The following FAM228A variants were observed in gnomAD, a reference collection of about 807,000 sequenced individuals.
FAM228A encodes protein FAM228A.
FAM228A carries 13 observed loss-of-function variants against 18.6 expected under a neutral mutation model. That is an observed-to-expected ratio of 0.70 (90% CI 0.45 to 1.11). FAM228A has a LOEUF of 1.11. Ranked by LOEUF, FAM228A falls within the 50% of genes least tolerant of loss-of-function variation. The pLI, the probability that FAM228A is intolerant of heterozygous loss-of-function variation, is 0.00. For missense variants in FAM228A, 240 were observed against 242.2 expected, an observed-to-expected ratio of 0.99 and a Z score of 0.06; for synonymous variants, 77 against 86.6, an observed-to-expected ratio of 0.89 and a Z score of 0.61.
chr2:24,183,979 T>A (rs1304214463), intron 5 of FAM228A, among the ~76,000 whole-genome samples: 1 of 152,176 alleles, frequency 6.6e-6, no homozygotes, highest in Non-Finnish European at 1.5e-5. Flanking sequence ...TAACTTTGTA[T>A]CCTTAAACAA....
At chr2:24,177,177 C>G (rs979661159) in intron 2 of FAM228A, among the ~76,000 whole-genome samples, 1 of 152,140 alleles carries the variant, frequency 6.6e-6, no homozygotes, top group African/African-American at 2.4e-5. Flanking sequence ...GGGTGGCTCA[C>G]GCCTATAATC....
At chr2:24,188,016 C>T (rs956715581) in intron 5 of FAM228A, among the ~76,000 whole-genome samples, 1 of 150,426 alleles carries the variant, frequency 6.6e-6, no homozygotes, top group African/African-American at 2.4e-5. Flanking sequence ...CAGTTATTTT[C>T]TCTTTGTTCC....
chr2:24,187,266 C>T (rs1667970900), intron 5 of FAM228A, among the ~76,000 whole-genome samples: 1 of 152,130 alleles, frequency 6.6e-6, no homozygotes. Context: ...CTTTATTTCC[C>T]TCCTTTTTTC....
At chr2:24,176,435 C>G (rs1405928241) in intron 2 of FAM228A, among the ~76,000 whole-genome samples, 7 of 152,204 alleles carry the variant, frequency 4.6e-5, no homozygotes, top group African/African-American at 1.7e-4. Context: ...TCTGTAACCT[C>G]AGACTCCTGG....
chr2:24,176,790 C>T lies in FAM228A; in HGVS notation c.94-1012C>T, dbSNP rs557968778. ...AGAAATTGAATAACAGTTCTAAGAA[C>T]CTGTATCATTTTTCATCAGCAATAA... On this transcript the variant is annotated intron_variant, in intron 2 of 5. Transcript: ENST00000295150. Among the ~76,000 whole-genome samples the T allele has an allele frequency of 1.0e-3, 153 of 152,214 alleles. 1 individual carries two copies. The highest frequency in any genetic ancestry group is 3.6e-3 in the African/African-American group (149 of 41,498).
At position 24,177,866 on chromosome 2, in the gene FAM228A, T is replaced by C; in HGVS notation, c.158T>C (p.Val53Ala). 1 of 1,602,514 alleles carries C rather than the reference T, an allele frequency of 6.2e-7. No homozygotes were observed. Among genetic ancestry groups the C allele is most frequent in the Non-Finnish European group, 8.5e-7 (1 of 1,171,330 alleles). Residue 53 changes from valine to alanine, a missense_variant, in exon 3 of 6, where the codon GTG becomes GCG. Val to Ala is a moderately conservative substitution (Grantham distance 64). Coordinates refer to ENST00000295150, the MANE Select transcript of FAM228A (RefSeq NM_001040710.3). ...ATATTATTTAAAGAAAATTCCATTGTGAAGGTAAGAGTTGGCTCCACGCTG... is the reference window on the plus strand; with the variant it reads ...ATATTATTTAAAGAAAATTCCATTGCGAAGGTAAGAGTTGGCTCCACGCTG... Reference protein sequence around the residue: ...CAILFKENSIVKVTVPPFVDP... With the variant: ...CAILFKENSIAKVTVPPFVDP...
At position 24,191,601 on chromosome 2, in the gene FAM228A, T is replaced by C; in HGVS notation, c.*970T>C. 1.7e-6 allele frequency: 1 copy of C among 584,408 alleles called. No homozygotes were observed. The highest frequency in any genetic ancestry group is 7.5e-5 in the South Asian group (1 of 13,362). 36.2% of individuals were successfully genotyped at this position (584,408 alleles called of 1,614,324 possible). On this transcript the variant is annotated 3_prime_UTR_variant, in exon 6 of 6. Transcript: ENST00000295150. ...TTTGCCACAGTCAAGCTTGTTGACATACCCACCAGCTCACATTTACTGTTT... is the reference window on the plus strand; with the variant it reads ...TTTGCCACAGTCAAGCTTGTTGACACACCCACCAGCTCACATTTACTGTTT...
chr2:24,175,395 CCCTG>C, intron 1 of FAM228A, 68 bp from the exon 2 acceptor site: 3 of 1,091,162 alleles, frequency 2.7e-6, no homozygotes, highest in Non-Finnish European at 4.2e-6. Context: ...TTTGAACACT[CCCTG>C]AGCCCAAAGG....
chr2:24,185,998 G>T (rs563147823), intron 5 of FAM228A, among the ~76,000 whole-genome samples: 8 of 152,138 alleles, frequency 5.3e-5, no homozygotes, highest in African/African-American at 1.9e-4. Flanking sequence ...TTCATCTATA[G>T]AGTCTTTTGG....
rs372838900 is a variant in FAM228A, at chr2:24,175,523, C to T, written c.43C>T (p.Pro15Ser). Residue 15 changes from proline (P) to serine (S), a missense_variant, in exon 2 of 6, where the codon CCA (proline) becomes TCA (serine). Physicochemically the swap from Pro to Ser is moderately conservative, Grantham distance 74. Transcript: ENST00000295150. ...KTASYDEHFR[P>S]EKLREWPEPE... The stretch of plus-strand genomic sequence containing the variant: ...TGCGAGTTATGATGAACATTTCAGG[C>T]CAGAAAAGTTAAGAGAATGGCCGGA... 1 of 1,614,092 alleles carries T rather than the reference C, an allele frequency of 6.2e-7. No individual in the cohort carries two copies. The highest frequency in any genetic ancestry group is 8.5e-7 in the Non-Finnish European group (1 of 1,180,030).
chr2:24,177,862 A>C lies in FAM228A; in HGVS notation c.154A>C (p.Ile52Leu), dbSNP rs199782594. ...VCAILFKENSIVKVTVPPFVD... is the reference protein window; with the variant it reads ...VCAILFKENSLVKVTVPPFVD... The stretch of plus-strand genomic sequence containing the variant: ...TGCAATATTATTTAAAGAAAATTCC[A>C]TTGTGAAGGTAAGAGTTGGCTCCAC... Residue 52 changes from isoleucine (I) to leucine (L), a missense_variant, in exon 3 of 6, where the codon ATT (isoleucine) becomes CTT (leucine). Coordinates refer to ENST00000295150, the MANE Select transcript of FAM228A (RefSeq NM_001040710.3). The C allele has an allele frequency of 1.3e-5, 21 of 1,602,304 alleles. No homozygotes were observed. Among genetic ancestry groups the C allele is most frequent in the Non-Finnish European group, 1.8e-5 (21 of 1,171,288 alleles).
chr2:24,187,911 G>A (rs13404513), intron 5 of FAM228A, among the ~76,000 whole-genome samples: 35,481 of 152,030 alleles, frequency 0.23, 4,719 homozygotes, highest in Non-Finnish European at 0.3. Context: ...TTTATGTGAT[G>A]TTTCTAGATG....
At chr2:24,175,880 T>TA in intron 2 of FAM228A, 1 of 1,090,656 alleles carries the variant, frequency 9.2e-7, no homozygotes, top group Non-Finnish European at 1.1e-6. Context: ...CAGCGTCTGG[T>TA]AATGATTTTC....
chr2:24,178,170 C>G (rs552927142), intron 3 of FAM228A, among the ~76,000 whole-genome samples: 9 of 152,328 alleles, frequency 5.9e-5, no homozygotes, highest in African/African-American at 2.2e-4. Flanking sequence ...CTCACACTTG[C>G]CTCTTTCTCA....
At chr2:24,177,153 C>G (rs1176764116) in intron 2 of FAM228A, among the ~76,000 whole-genome samples, 1 of 152,160 alleles carries the variant, frequency 6.6e-6, no homozygotes, top group Non-Finnish European at 1.5e-5. Flanking sequence ...TAAGACACAC[C>G]TACTAGCTGG....
At chr2:24,179,168 T>C in intron 3 of FAM228A, 1 of 1,176,746 alleles carries the variant, frequency 8.5e-7, no homozygotes, top group Non-Finnish European at 1.1e-6. Flanking sequence ...AAAAGAGATG[T>C]TACATAAAAA....
chr2:24,183,354 G>C lies in FAM228A; in HGVS notation c.232G>C (p.Gly78Arg). Residue 78 changes from glycine (G) to arginine (R), a missense_variant, in exon 4 of 6, where the codon GGT becomes CGT. Transcript: ENST00000295150. ...QQEVDEERRT[G>R]LQCETGKRHS... The stretch of plus-strand genomic sequence containing the variant: ...AGAGGTGGATGAAGAGAGGAGAACT[G>C]GTCTTCAGTGTGAGACAGGTGCTTT... The C allele has an allele frequency of 6.2e-7, 1 of 1,613,728 alleles. No homozygotes were observed. Among genetic ancestry groups the C allele is most frequent in the Non-Finnish European group, 8.5e-7 (1 of 1,179,646 alleles).
intron 2 of FAM228A, chr2:24,175,907 T>A: frequency 9.3e-7 from 1 of 1,074,332 alleles, no homozygotes; most frequent in Non-Finnish European, 1.1e-6. Context: ...AGTTTCATTA[T>A]TTTGTGTCAT....
chr2:24,177,432 T>C (rs1398407486), intron 2 of FAM228A, among the ~76,000 whole-genome samples: 11 of 152,156 alleles, frequency 7.2e-5, no homozygotes, highest in African/African-American at 2.7e-4. Flanking sequence ...AGCCAGACTT[T>C]GTCTCAAAAA....
Sources: gnomAD v4.1 joint callset for allele counts (sites outside exome capture counted in the v4.1 genomes callset) on GRCh38, gnomAD v4.1.1 for gene constraint, MANE v1.5 for transcripts, NCBI Gene and HGNC (gene_info 2026-07-23, HGNC 2026-07-21) for gene names.